Variants in CA10 observed in about 807,000 individuals in gnomAD.
The protein encoded by CA10 is carbonic anhydrase 10 (inactive).
CA10 carries 14 observed loss-of-function variants against 44.2 expected under a neutral mutation model. The ratio of observed to expected loss-of-function variants is 0.32; its 90% CI spans 0.21 to 0.50. CA10 has a LOEUF of 0.50. CA10 is among the 20% of genes least tolerant of loss of function. CA10 has a pLI of 0.99. For missense variants in CA10, 350 were observed against 409.7 expected, an observed-to-expected ratio of 0.85 and a Z score of 1.26; for synonymous variants, 159 against 141.6, an observed-to-expected ratio of 1.12 and a Z score of -0.87.
At chr17:51,663,505 G>T (rs1164275777) in intron 4 of CA10, among the ~76,000 whole-genome samples, 1 of 142,804 alleles carries the variant, frequency 7.0e-6, no homozygotes. Context: ...GGAGAGTTAG[G>T]CTCTGGCTCC....
intron 1 of CA10, among the ~76,000 whole-genome samples, chr17:52,126,759 G>T (rs1302009062): frequency 6.6e-6 from 1 of 152,132 alleles, no homozygotes; most frequent in South Asian, 2.1e-4. Context: ...CATTACCCAT[G>T]AAACTTAGGA....
chr17:52,010,952 G>T (rs534654660), intron 2 of CA10, among the ~76,000 whole-genome samples: 1 of 147,338 alleles, frequency 6.8e-6, no homozygotes, highest in South Asian at 2.2e-4. Flanking sequence ...ATGATGATAA[G>T]AAGTGTGCAA....
intron 3 of CA10, among the ~76,000 whole-genome samples, chr17:51,801,244 G>T (rs552514848): frequency 6.6e-6 from 1 of 152,244 alleles, no homozygotes; most frequent in East Asian, 1.9e-4. Context: ...CTTTCGTTTG[G>T]GTGAGGAGTA....
chr17:51,739,814 C>T lies in CA10; in HGVS notation c.465+7819G>A, dbSNP rs951268545. Among the ~76,000 whole-genome samples the T allele has an allele frequency of 4.6e-5, 7 of 152,254 alleles. No individual in the cohort carries two copies. The East Asian group carries it at 1.2e-3, about 25-fold the overall frequency. ...GAGCTTCTGCCTCTGCTTTGCTTCT[C>T]GAAGGCCAGTTTGCTCACTCTGGTG... On this transcript the variant is annotated intron_variant, in intron 4 of 8. Transcript: ENST00000451037.
At chr17:52,069,543 C>T (rs1987625605) in intron 2 of CA10, among the ~76,000 whole-genome samples, 1 of 152,108 alleles carries the variant, frequency 6.6e-6, no homozygotes, top group South Asian at 2.1e-4. Flanking sequence ...ATGTATAAAC[C>T]CTGTTGGAGC....
At chr17:51,781,633 C>G (rs2143678291) in intron 3 of CA10, among the ~76,000 whole-genome samples, 1 of 152,254 alleles carries the variant, frequency 6.6e-6, no homozygotes. Context: ...TCTACAGAAC[C>G]AGAAACACAA....
intron 3 of CA10, among the ~76,000 whole-genome samples, chr17:51,901,352 G>A (rs898835938): frequency 2.1e-4 from 32 of 152,078 alleles, no homozygotes; most frequent in African/African-American, 6.3e-4. Flanking sequence ...CCCCAGCTTT[G>A]TTCTCTGGTC....
intron 2 of CA10, among the ~76,000 whole-genome samples, chr17:51,988,757 T>C (rs1469277456): frequency 6.6e-6 from 1 of 152,016 alleles, no homozygotes; most frequent in Non-Finnish European, 1.5e-5. Flanking sequence ...TAGGGCACAC[T>C]GTTCAATAGA....
chr17:52,065,764 AC>A (rs1987519489), intron 2 of CA10, among the ~76,000 whole-genome samples: 1 of 152,164 alleles, frequency 6.6e-6, no homozygotes, highest in Non-Finnish European at 1.5e-5. Flanking sequence ...GCACTAGTGA[AC>A]ATTCTCTTCC....
intron 3 of CA10, among the ~76,000 whole-genome samples, chr17:51,910,566 A>G (rs1981750682): frequency 6.6e-6 from 1 of 152,202 alleles, no homozygotes; most frequent in Non-Finnish European, 1.5e-5. Flanking sequence ...CAGGATCTAG[A>G]GTAATTCACC....
chr17:52,109,268 C>T (rs866646780), intron 1 of CA10, among the ~76,000 whole-genome samples: 6 of 152,140 alleles, frequency 3.9e-5, no homozygotes, highest in East Asian at 1.9e-4. Flanking sequence ...AAGAGATTTT[C>T]GGAGAAAACA....
intron 1 of CA10, among the ~76,000 whole-genome samples, chr17:52,110,767 T>C (rs1988772923): frequency 6.6e-6 from 1 of 152,152 alleles, no homozygotes; most frequent in African/African-American, 2.4e-5. Context: ...TCCATATCCA[T>C]TGGTTACTGG....
intron 1 of CA10, among the ~76,000 whole-genome samples, chr17:52,107,671 G>A (rs1323540652): frequency 6.6e-6 from 1 of 152,160 alleles, no homozygotes; most frequent in Non-Finnish European, 1.5e-5. Context: ...AGAAAAGCTG[G>A]CTCTGAGTCC....
intron 3 of CA10, among the ~76,000 whole-genome samples, chr17:51,749,631 T>C (rs971168442): frequency 6.6e-6 from 1 of 152,238 alleles, no homozygotes; most frequent in African/African-American, 2.4e-5. Flanking sequence ...AGGGAACTGA[T>C]AGACACTAAG....
At chr17:51,964,746 G>T (rs908080556) in intron 2 of CA10, among the ~76,000 whole-genome samples, 6 of 151,824 alleles carry the variant, frequency 4.0e-5, no homozygotes, top group Admixed American at 3.9e-4. Flanking sequence ...TCTCTGTGAT[G>T]CAGCAAAAAC....
chr17:51,985,071 A>T (rs1471755701), intron 2 of CA10, among the ~76,000 whole-genome samples: 5 of 151,958 alleles, frequency 3.3e-5, no homozygotes, highest in African/African-American at 1.2e-4. Flanking sequence ...AAAAAAGAAA[A>T]CTACGGACTG....
chr17:52,112,073 C>G (rs1362136838), intron 1 of CA10, among the ~76,000 whole-genome samples: 4 of 151,996 alleles, frequency 2.6e-5, no homozygotes, highest in African/African-American at 9.7e-5. Flanking sequence ...TGCCTAAAGA[C>G]TAGTTGTTGA....
intron 2 of CA10, among the ~76,000 whole-genome samples, chr17:51,972,013 A>G (rs922383271): frequency 1.3e-5 from 2 of 151,992 alleles, no homozygotes; most frequent in Non-Finnish European, 2.9e-5. Context: ...AATAAGCACA[A>G]TTTTTTTAAT....
chr17:51,808,484 T>G (rs745420935), intron 3 of CA10, among the ~76,000 whole-genome samples: 3 of 152,236 alleles, frequency 2.0e-5, no homozygotes, highest in Non-Finnish European at 4.4e-5. Flanking sequence ...AATGTACATC[T>G]GCATCTCTGT....
Sources: gnomAD v4.1 joint callset for allele counts (sites outside exome capture counted in the v4.1 genomes callset) on GRCh38, gnomAD v4.1.1 for gene constraint, MANE v1.5 for transcripts, NCBI Gene and HGNC (gene_info 2026-07-23, HGNC 2026-07-21) for gene names.